The following ETNK1 variants were observed in gnomAD, a reference collection of about 807,000 sequenced individuals.
ETNK1 encodes the protein ethanolamine kinase 1, also known as putative protein product of Nbla10396.
ETNK1 carries 8 observed loss-of-function variants against 45.1 expected under a neutral mutation model. The observed-to-expected ratio is 0.18, with a 90% CI of 0.10 to 0.32. The LOEUF is 0.32. Among genes scored for constraint, ETNK1 ranks in the 10% least tolerant of loss-of-function variants. The pLI is 1.00. For synonymous variants in ETNK1, 152 were observed against 151.9 expected, an observed-to-expected ratio of 1.00 and a Z score of -0.01; for missense variants, 302 against 430.6, an observed-to-expected ratio of 0.70 and a Z score of 2.64.
Position 22,643,776 on chromosome 12 carries a change from G to T in ETNK1, c.170G>T (p.Gly57Val). ...QEVTLQLFTD[G>V]ITNKLIGCYV... Reference sequence around the variant, plus strand: ...AATTTTTGGCAGCTCTTCACAGATGGAATCACAAATAAACTTATTGGCTGT... The same window carrying T: ...AATTTTTGGCAGCTCTTCACAGATGTAATCACAAATAAACTTATTGGCTGT... Residue 57 changes from glycine (G) to valine (V), a missense_variant, in exon 2 of 8, where the codon GGA becomes GTA. Physicochemically the swap from Gly to Val is moderately radical, Grantham distance 109. Around this residue, in one of 3 missense-constraint regions of ETNK1, gnomAD observed 205 missense variants for 259.9 expected, o/e 0.79. Transcript: ENST00000266517. 1 of 1,606,810 alleles carries T rather than the reference G, an allele frequency of 6.2e-7. No individual in the cohort carries two copies. The highest frequency in any genetic ancestry group is 1.7e-4 in the Middle Eastern group (1 of 6,022).
intron 1 of ETNK1, among the ~76,000 whole-genome samples, chr12:22,636,619 C>T (rs1324281252): frequency 6.6e-6 from 1 of 152,074 alleles, no homozygotes; most frequent in Non-Finnish European, 1.5e-5. Flanking sequence ...GTTGTCCTTT[C>T]ATATCCATGA....
In ETNK1 at chr12:22,684,524, C is replaced by A. The variant is rs753874632; in HGVS notation, c.987C>A (p.Ala329=). 4 of 1,610,636 alleles carry A rather than the reference C, an allele frequency of 2.5e-6. No individual in the cohort carries two copies. Among genetic ancestry groups the A allele is most frequent in the Non-Finnish European group, 3.4e-6 (4 of 1,178,038 alleles). Residue 329 remains alanine, a synonymous_variant, in exon 7 of 8, where the codon GCC becomes GCA. Transcript: ENST00000266517. ...GGGGATTGTGGGCTTTGATTCAAGC[C>A]AAATACTCCACTATTGAGTTTGATT... ...FFWGLWALIQ[A]KYSTIEFDFL...
At chr12:22,674,890 T>C (rs1021255935) in intron 6 of ETNK1, among the ~76,000 whole-genome samples, 5 of 152,304 alleles carry the variant, frequency 3.3e-5, no homozygotes, top group African/African-American at 1.2e-4. Flanking sequence ...TTTATAAATA[T>C]TCATCAATCA....
chr12:22,657,681 T>C (rs942365961), intron 2 of ETNK1, among the ~76,000 whole-genome samples: 7 of 152,174 alleles, frequency 4.6e-5, no homozygotes, highest in Non-Finnish European at 8.8e-5. Flanking sequence ...GCTTGGGTAA[T>C]ATGTGCTGAA....
At chr12:22,641,844 A>G (rs964353916) in intron 1 of ETNK1, among the ~76,000 whole-genome samples, 1 of 152,190 alleles carries the variant, frequency 6.6e-6, no homozygotes, top group African/African-American at 2.4e-5. Context: ...TGTGCAATAC[A>G]GAAAGTTAGG....
chr12:22,633,611 T>A (rs557382309), intron 1 of ETNK1, among the ~76,000 whole-genome samples: 1 of 152,354 alleles, frequency 6.6e-6, no homozygotes, highest in South Asian at 2.1e-4. Flanking sequence ...TTGATTATAT[T>A]TTGTGGAATC....
At chr12:22,637,723 T>C (rs1448289532) in intron 1 of ETNK1, among the ~76,000 whole-genome samples, 1 of 152,164 alleles carries the variant, frequency 6.6e-6, no homozygotes, top group Non-Finnish European at 1.5e-5. Context: ...GGAAACAAAC[T>C]ATCCAGGAAA....
chr12:22,640,545 A>G (rs774154518), intron 1 of ETNK1, among the ~76,000 whole-genome samples: 51 of 151,986 alleles, frequency 3.4e-4, no homozygotes, highest in Non-Finnish European at 5.4e-4. Flanking sequence ...CTTAATTATT[A>G]TTTTATAATT....
At chr12:22,650,796 GA>G (rs879857407) in intron 2 of ETNK1, among the ~76,000 whole-genome samples, 2 of 152,172 alleles carry the variant, frequency 1.3e-5, no homozygotes, top group Non-Finnish European at 2.9e-5. Context: ...TTTGCTAGCA[GA>G]AAACAATTGA....
chr12:22,640,162 G>A (rs1341531520), intron 1 of ETNK1, among the ~76,000 whole-genome samples: 1 of 152,078 alleles, frequency 6.6e-6, no homozygotes, highest in Admixed American at 6.6e-5. Flanking sequence ...ATGTGATGAG[G>A]TAAGGCAGAG....
chr12:22,632,455 T>C (rs1484713588), intron 1 of ETNK1, among the ~76,000 whole-genome samples: 1 of 152,130 alleles, frequency 6.6e-6, no homozygotes, highest in African/African-American at 2.4e-5. Flanking sequence ...AACCTAATAT[T>C]TGATGATCAT....
At chr12:22,668,144 T>G (rs1306868209) in intron 4 of ETNK1, among the ~76,000 whole-genome samples, 3 of 152,194 alleles carry the variant, frequency 2.0e-5, no homozygotes, top group African/African-American at 7.2e-5. Flanking sequence ...ATTGAGAATC[T>G]CTTCCTAAGA....
chr12:22,643,772 G>T lies in ETNK1; in HGVS notation c.166G>T (p.Asp56Tyr). Residue 56 changes from aspartate to tyrosine, a missense_variant, in exon 2 of 8, where the codon GAT becomes TAT. Around this residue, in one of 3 missense-constraint regions of ETNK1, gnomAD observed 205 missense variants for 259.9 expected, o/e 0.79. Transcript: ENST00000266517. ...AAAAAATTTTTGGCAGCTCTTCACA[G>T]ATGGAATCACAAATAAACTTATTGG... Reference protein sequence around the residue: ...PQEVTLQLFTDGITNKLIGCY... With the variant: ...PQEVTLQLFTYGITNKLIGCY... 2 of 1,607,296 alleles carry T rather than the reference G, an allele frequency of 1.2e-6. No individual in the cohort carries two copies. Among genetic ancestry groups the T allele is most frequent in the East Asian group, 4.5e-5 (2 of 44,766 alleles).
Position 22,659,076 on chromosome 12 carries a change from A to G in ETNK1, c.479A>G (p.Lys160Arg). The part of the protein sequence containing the change: ...AIHAHNGWIP[K>R]SNLWLKMGKY... ...CATGCACACAATGGCTGGATCCCCAAATCTAATCTTTGGCTAAAGATGGGA... is the reference window on the plus strand; with the variant it reads ...CATGCACACAATGGCTGGATCCCCAGATCTAATCTTTGGCTAAAGATGGGA... Residue 160 changes from lysine (K) to arginine (R), a missense_variant, in exon 3 of 8, where the codon AAA becomes AGA. By Grantham distance (26) the Lys-to-Arg change is conservative. Around this residue, in one of 3 missense-constraint regions of ETNK1, gnomAD observed 205 missense variants for 259.9 expected, o/e 0.79. Transcript: ENST00000266517. 1.9e-6 allele frequency: 3 copies of G among 1,613,998 alleles called. No individual in the cohort carries two copies. Among genetic ancestry groups the G allele is most frequent in the Non-Finnish European group, 2.5e-6 (3 of 1,179,912 alleles).
chr12:22,675,417 A>G (rs1954150408), intron 6 of ETNK1, among the ~76,000 whole-genome samples: 1 of 151,822 alleles, frequency 6.6e-6, no homozygotes, highest in Non-Finnish European at 1.5e-5. Context: ...ATGCAGTGGT[A>G]CGATCATAGC....
In ETNK1 at chr12:22,685,140, C is replaced by T; in HGVS notation, c.*186C>T. 2 of 497,556 alleles carry T rather than the reference C, an allele frequency of 4.0e-6. No homozygotes were observed. 30.8% of individuals were successfully genotyped at this position (497,556 alleles called of 1,614,324 possible). A position where few individuals can be genotyped will look rare whatever the true frequency, so the allele number is the denominator to read the frequency against. ...TGAATGATGTCAAGAAATATACCTA[C>T]TGCTATCCGTATGTGGTGGATTAGA... On this transcript the variant is annotated 3_prime_UTR_variant, in exon 8 of 8. Coordinates refer to ENST00000266517, the MANE Select transcript of ETNK1 (RefSeq NM_018638.5).
chr12:22,651,195 C>T (rs960858320), intron 2 of ETNK1, among the ~76,000 whole-genome samples: 1 of 152,154 alleles, frequency 6.6e-6, no homozygotes, highest in African/African-American at 2.4e-5. Flanking sequence ...TCGGACCAGG[C>T]GTGCCTTTTG....
At chr12:22,656,308 C>A in intron 2 of ETNK1, 1 of 598,030 alleles carries the variant, frequency 1.7e-6, no homozygotes, top group Non-Finnish European at 2.1e-6. Context: ...TCATGAACTT[C>A]AAAATACTTT....
chr12:22,651,080 G>T (rs1953868606), intron 2 of ETNK1, among the ~76,000 whole-genome samples: 4 of 152,136 alleles, frequency 2.6e-5, no homozygotes, highest in Admixed American at 2.6e-4. Flanking sequence ...GTGCAGAGAG[G>T]GGTCCCAGAG....
Sources: allele counts gnomAD v4.1 joint callset (sites outside exome capture counted in the v4.1 genomes callset), GRCh38; gene constraint gnomAD v4.1.1; regional missense constraint gnomAD v4.1.1; transcripts MANE v1.5; gene names NCBI Gene and HGNC (gene_info 2026-07-23, HGNC 2026-07-21).